WWP2: variants seen among roughly 807,000 people sequenced by gnomAD.
The protein encoded by WWP2 is WW domain containing E3 ubiquitin protein ligase 2, also known as NEDD4-like E3 ubiquitin-protein ligase WWP2.
In WWP2, 57 loss-of-function variants were observed where a neutral mutation model predicts 121.0. The ratio of observed to expected loss-of-function variants is 0.47; its 90% CI spans 0.38 to 0.59. The LOEUF is 0.59. Ranked by LOEUF, WWP2 falls within the 20% of genes least tolerant of loss-of-function variation. WWP2 has a pLI of 0.00. For missense variants in WWP2, 962 were observed against 1,158.9 expected, an observed-to-expected ratio of 0.83 and a Z score of 2.47; for synonymous variants, 449 against 441.3, an observed-to-expected ratio of 1.02 and a Z score of -0.22.
At position 69,851,205 on chromosome 16, in the gene WWP2, A is replaced by T. The variant is rs188660843; in HGVS notation, c.575+9085A>T. 4.0e-5 allele frequency among the ~76,000 whole-genome samples: 6 copies of T among 150,698 alleles called. No homozygotes were observed. In the South Asian group the frequency reaches 6.3e-4, roughly 16 times the overall value. On this transcript the variant is annotated intron_variant, in intron 6 of 23. Transcript: ENST00000359154. ...TTTTTTTTTTGTATTTTTAGTAGAG[A>T]TGAGGTTTCCCCATGTTGGCCAGGC...
At chr16:69,931,466 A>C (rs1597179664) in intron 14 of WWP2, 43 bp from the exon 15 acceptor site, 1 of 1,609,434 alleles carries the variant, frequency 6.2e-7, no homozygotes, top group Non-Finnish European at 8.5e-7. Context: ...ACAGATGACC[A>C]CTTGAGGCTC....
Position 69,937,577 on chromosome 16 carries a change from C to T in WWP2, c.2268C>T (p.Asp756=). 10 of 1,614,042 alleles carry T rather than the reference C, an allele frequency of 6.2e-6. No individual in the cohort carries two copies. Among genetic ancestry groups the T allele is most frequent in the Non-Finnish European group, 8.5e-6 (10 of 1,180,008 alleles). The change falls in exon 21 of 24, where the codon GAC becomes GAT. Residue 756 remains aspartate, a synonymous_variant. Transcript: ENST00000359154. This position sits in a 1 kb window ranked among gnomAD's most constrained non-coding sequence, Gnocchi z 6.6. ...ELMLCGMQEI[D]MSDWQKSTIY... ...TGCTGTGCGGCATGCAGGAGATAGA[C>T]ATGAGCGACTGGCAGAAGAGCACCA...
At chr16:69,916,753 T>C (rs904810) in intron 9 of WWP2, among the ~76,000 whole-genome samples, 99,273 of 151,914 alleles carry the variant, frequency 0.65, 33,044 homozygotes, top group East Asian at 0.96. Context: ...GGGTGACAGC[T>C]GGTCATGAAG....
At chr16:69,917,458 C>T in intron 9 of WWP2, 1 of 405,546 alleles carries the variant, frequency 2.5e-6, no homozygotes, top group Non-Finnish European at 4.5e-6. Flanking sequence ...GGCAACCATG[C>T]AACTCTGAGG....
Position 69,799,364 on chromosome 16 carries a change from G to A in WWP2, c.340+69G>A. The A allele has an allele frequency of 2.6e-6, 4 of 1,564,770 alleles. No individual in the cohort carries two copies. The highest frequency in any genetic ancestry group is 3.5e-6 in the Non-Finnish European group (4 of 1,155,004). On this transcript the variant is annotated intron_variant, in intron 4 of 23. Coordinates refer to ENST00000359154, the MANE Select transcript of WWP2 (RefSeq NM_001270454.2). This position sits in a 1 kb window ranked among gnomAD's most constrained non-coding sequence, Gnocchi z 4.5. Reference sequence around the variant, plus strand: ...ATGGGAGGACCTGGCAGATCAACCTGGTATTGCAATTTCCCCCAGGACTAG... The same window carrying A: ...ATGGGAGGACCTGGCAGATCAACCTAGTATTGCAATTTCCCCCAGGACTAG...
At position 69,840,650 on chromosome 16, in the gene WWP2, C is replaced by T. The variant is rs534903357; in HGVS notation, c.478+387C>T. On this transcript the variant is annotated intron_variant, in intron 5 of 23. Coordinates refer to ENST00000359154, the MANE Select transcript of WWP2 (RefSeq NM_001270454.2). ...TGAGAGGCATTGGTTGGGAAGGGTA[C>T]GCTGTGTTCTTCTAGAGATACACAC... 3.3e-5 allele frequency among the ~76,000 whole-genome samples: 5 copies of T among 152,162 alleles called. No individual in the cohort carries two copies. The East Asian group carries it at 5.8e-4, about 18-fold the overall frequency.
At chr16:69,779,556 A>G (rs1297420652) in intron 1 of WWP2, among the ~76,000 whole-genome samples, 2 of 136,298 alleles carry the variant, frequency 1.5e-5, no homozygotes, top group East Asian at 2.2e-4. Flanking sequence ...GTGTAGATCA[A>G]AAAGTTTGGT....
chr16:69,773,876 G>A (rs188947020), intron 1 of WWP2, among the ~76,000 whole-genome samples: 6 of 152,236 alleles, frequency 3.9e-5, no homozygotes, highest in Admixed American at 3.9e-4. Flanking sequence ...TCCTTTTAGT[G>A]CAGTCACATT....
chr16:69,798,084 C>T (rs1216100082), intron 2 of WWP2, among the ~76,000 whole-genome samples: 1 of 152,098 alleles, frequency 6.6e-6, no homozygotes, highest in East Asian at 1.9e-4. Context: ...AAGCATATCC[C>T]TTAGCACTCT....
intron 8 of WWP2, among the ~76,000 whole-genome samples, chr16:69,900,824 A>G (rs2058192660): frequency 6.6e-6 from 1 of 152,082 alleles, no homozygotes; most frequent in Non-Finnish European, 1.5e-5. Context: ...GTGCCTGGCT[A>G]GTGTTGCCAA....
At chr16:69,828,596 C>A (rs1398819866) in intron 4 of WWP2, among the ~76,000 whole-genome samples, 1 of 152,108 alleles carries the variant, frequency 6.6e-6, no homozygotes. Flanking sequence ...AACTCCTGAC[C>A]TCAGGTGATC....
chr16:69,889,698 G>T (rs1387481839), intron 8 of WWP2, among the ~76,000 whole-genome samples: 1 of 152,190 alleles, frequency 6.6e-6, no homozygotes, highest in Non-Finnish European at 1.5e-5. Flanking sequence ...CTTCTTCGCA[G>T]CTCTGATCAT....
chr16:69,887,290 T>C (rs1050616012), intron 7 of WWP2, among the ~76,000 whole-genome samples: 1 of 152,210 alleles, frequency 6.6e-6, no homozygotes, highest in African/African-American at 2.4e-5. Flanking sequence ...GCCTCTTTAG[T>C]GTGTATGAGC....
At chr16:69,883,400 GCACACACA>G (rs59771717) in intron 7 of WWP2, among the ~76,000 whole-genome samples, 7,814 of 145,948 alleles carry the variant, frequency 0.054, 267 homozygotes, top group Middle Eastern at 0.11. Flanking sequence ...AAGAATGTGC[GCACACACA>G]CACACACACA....
intron 2 of WWP2, 109 bp from the exon 3 acceptor site, chr16:69,798,573 T>G: frequency 7.7e-7 from 1 of 1,300,062 alleles, no homozygotes; most frequent in Non-Finnish European, 1.0e-6. Flanking sequence ...ACAAAATGTA[T>G]TGATTTATTT....
chr16:69,854,188 TAA>T (rs1238970056), intron 6 of WWP2, among the ~76,000 whole-genome samples: 1 of 152,178 alleles, frequency 6.6e-6, no homozygotes, highest in Non-Finnish European at 1.5e-5. Context: ...GAGAAGCCAA[TAA>T]AAAGAGTATG....
Position 69,841,955 on chromosome 16 carries a change from C to T in WWP2, c.479-69C>T, listed in dbSNP as rs180814552. 12 of 1,480,272 alleles carry T rather than the reference C, an allele frequency of 8.1e-6. No homozygotes were observed. In the East Asian group the frequency reaches 9.6e-5, roughly 12 times the overall value. 91.7% of individuals were successfully genotyped at this position (1,480,272 alleles called of 1,614,324 possible). On this transcript the variant is annotated intron_variant, in intron 5 of 23. Transcript: ENST00000359154. ...ACACAGACGGAGTTCTGTTCCTGGC[C>T]GTCAAATCTCAAACACGAGTTGAGC... is the stretch of plus-strand genomic sequence containing the variant.
intron 4 of WWP2, among the ~76,000 whole-genome samples, chr16:69,810,239 C>T (rs1030844491): frequency 1.3e-5 from 2 of 152,184 alleles, no homozygotes; most frequent in African/African-American, 4.8e-5. Flanking sequence ...TGCTGTAATG[C>T]AGGGTTTCAC....
Position 69,849,777 on chromosome 16 carries a change from C to T in WWP2, c.575+7657C>T, listed in dbSNP as rs531844965. 1.2e-4 allele frequency among the ~76,000 whole-genome samples: 18 copies of T among 151,858 alleles called. No individual in the cohort carries two copies. In the East Asian group the frequency reaches 3.3e-3, roughly 28 times the overall value. On this transcript the variant is annotated intron_variant, in intron 6 of 23. Transcript: ENST00000359154. Reference sequence around the variant, plus strand: ...GAGTTATGATCGTGCCACTGCACTCCAGCCTGGACAACATAGGGAGACCCT... The same window carrying T: ...GAGTTATGATCGTGCCACTGCACTCTAGCCTGGACAACATAGGGAGACCCT...
Sources: allele counts gnomAD v4.1 joint callset (sites outside exome capture counted in the v4.1 genomes callset), GRCh38; gene constraint gnomAD v4.1.1; non-coding constraint Gnocchi (gnomAD v3.1); transcripts MANE v1.5; gene names NCBI Gene and HGNC (gene_info 2026-07-23, HGNC 2026-07-21).